The following SPACA7 variants were observed in gnomAD, a reference collection of about 807,000 sequenced individuals.
SPACA7 encodes the protein sperm acrosome-associated protein 7.
Under a neutral mutation model 26.3 loss-of-function variants are expected in SPACA7, and 19 were observed. The observed-to-expected ratio is 0.72, with a 90% CI of 0.50 to 1.06. The LOEUF is 1.06. Ranked by LOEUF, SPACA7 falls within the 50% of genes least tolerant of loss-of-function variation. The pLI is 0.00. For missense variants in SPACA7, 211 were observed against 229.9 expected (o/e 0.92, Z 0.53); for synonymous variants, 84 against 84.5 (o/e 0.99, Z 0.04).
chr13:112,432,563 T>C, intron 6 of SPACA7, 42 bp downstream of exon 6: 1 of 1,443,806 alleles, frequency 6.9e-7, no homozygotes, highest in Non-Finnish European at 9.8e-7. Flanking sequence ...CATTTGGGGA[T>C]TCTTTTCCTG....
chr13:112,410,370 A>AT (rs1566476874), intron 5 of SPACA7, among the ~76,000 whole-genome samples: 1 of 147,874 alleles, frequency 6.8e-6, no homozygotes, highest in African/African-American at 2.7e-5. Flanking sequence ...TACAATTAAA[A>AT]AAATATATAT....
At chr13:112,387,959 G>C (rs1417963810) in intron 1 of SPACA7, among the ~76,000 whole-genome samples, 1 of 152,152 alleles carries the variant, frequency 6.6e-6, no homozygotes, top group Non-Finnish European at 1.5e-5. Flanking sequence ...ACTCCAGGTG[G>C]TGATGGACAA....
chr13:112,428,127 T>C (rs1171567675), intron 5 of SPACA7, among the ~76,000 whole-genome samples: 1 of 152,254 alleles, frequency 6.6e-6, no homozygotes, highest in Non-Finnish European at 1.5e-5. Flanking sequence ...GTTTGAGACT[T>C]CTCATGTTTT....
intron 5 of SPACA7, among the ~76,000 whole-genome samples, chr13:112,419,617 G>A (rs1886893072): frequency 6.6e-6 from 1 of 152,140 alleles, no homozygotes; most frequent in Non-Finnish European, 1.5e-5. Flanking sequence ...ACTACCTTGG[G>A]GCCAGGATCC....
intron 5 of SPACA7, among the ~76,000 whole-genome samples, chr13:112,403,527 G>T (rs546642443): frequency 2.6e-5 from 4 of 151,928 alleles, no homozygotes; most frequent in Non-Finnish European, 5.9e-5. Context: ...CCCATCATCC[G>T]AACAGTACAC....
chr13:112,430,496 C>G (rs1594337493), intron 5 of SPACA7, among the ~76,000 whole-genome samples: 1 of 152,144 alleles, frequency 6.6e-6, no homozygotes, highest in African/African-American at 2.4e-5. Context: ...TCCATCCTTT[C>G]CAGACATTAA....
At chr13:112,394,837 CT>C (rs1368644716) in intron 2 of SPACA7, among the ~76,000 whole-genome samples, 2 of 152,214 alleles carry the variant, frequency 1.3e-5, no homozygotes, top group Non-Finnish European at 2.9e-5. Flanking sequence ...GAAAAGGATT[CT>C]GGAAGAGGAA....
intron 6 of SPACA7, among the ~76,000 whole-genome samples, chr13:112,433,450 G>T (rs79961275): frequency 6.9e-6 from 1 of 144,394 alleles, no homozygotes; most frequent in East Asian, 2.0e-4. Context: ...GAGCTTACCT[G>T]CTAGAGAACA....
chr13:112,430,773 G>A (rs1877046248), intron 5 of SPACA7, among the ~76,000 whole-genome samples: 1 of 152,194 alleles, frequency 6.6e-6, no homozygotes, highest in African/African-American at 2.4e-5. Flanking sequence ...AGGGAACGGG[G>A]AAATGTTAGC....
At chr13:112,381,938 C>T (rs1884097836) in intron 1 of SPACA7, among the ~76,000 whole-genome samples, 1 of 152,174 alleles carries the variant, frequency 6.6e-6, no homozygotes, top group Non-Finnish European at 1.5e-5. Context: ...ATCTTGTGGC[C>T]TCCAGCTGCA....
At chr13:112,406,479 A>G (rs1344668718) in intron 5 of SPACA7, among the ~76,000 whole-genome samples, 2 of 152,206 alleles carry the variant, frequency 1.3e-5, no homozygotes, top group African/African-American at 4.8e-5. Flanking sequence ...GATAGAGATT[A>G]ATATTGAGAA....
At chr13:112,380,372 TC>T (rs2138853989) in intron 1 of SPACA7, among the ~76,000 whole-genome samples, 1 of 120,992 alleles carries the variant, frequency 8.3e-6, no homozygotes, top group South Asian at 2.7e-4. Context: ...GCCATTGCAC[TC>T]CAGCCTAGGC....
intron 5 of SPACA7, among the ~76,000 whole-genome samples, chr13:112,409,938 T>C (rs1886238980): frequency 6.6e-6 from 1 of 152,182 alleles, no homozygotes; most frequent in South Asian, 2.1e-4. Context: ...GTGGCACTAT[T>C]CACAATAGCA....
In SPACA7 at chr13:112,398,057, C is replaced by T. The variant is rs200827331; in HGVS notation, c.160C>T (p.Leu54=). ...TGTGTGCTTCTCCCAAGATGAAATT[C>T]TGGTCCAGGAGATTTTAGATCTGAA... ...EDMSELLDEI[L]VQEILDLNKT... The change falls in exon 3 of 7, where the codon CTG becomes TTG. Residue 54 remains leucine, a synonymous_variant. Transcript: ENST00000283550. 6.2e-6 allele frequency: 10 copies of T among 1,612,550 alleles called. No individual in the cohort carries two copies. In the African/African-American group the frequency reaches 1.3e-4, roughly 22 times the overall value.
intron 1 of SPACA7, among the ~76,000 whole-genome samples, chr13:112,383,142 AAAGAAAGAAAG>A (rs1884269148): frequency 3.7e-5 from 2 of 53,746 alleles, no homozygotes; most frequent in African/African-American, 1.9e-4. Flanking sequence ...AGAAAGAAAG[AAAGAAAGAAAG>A]AAAGAAAGAA....
At chr13:112,380,775 T>C (rs1195337604) in intron 1 of SPACA7, among the ~76,000 whole-genome samples, 1 of 152,230 alleles carries the variant, frequency 6.6e-6, no homozygotes, top group African/African-American at 2.4e-5. Flanking sequence ...TACTTTCCTT[T>C]ATACTTTGCA....
chr13:112,415,998 C>T (rs892553917), intron 5 of SPACA7, among the ~76,000 whole-genome samples: 1 of 151,978 alleles, frequency 6.6e-6, no homozygotes, highest in African/African-American at 2.4e-5. Flanking sequence ...CACTCACTTC[C>T]CTCCCTCTCT....
At chr13:112,384,420 T>C (rs1214739061) in intron 1 of SPACA7, among the ~76,000 whole-genome samples, 2 of 152,098 alleles carry the variant, frequency 1.3e-5, no homozygotes, top group Admixed American at 6.5e-5. Flanking sequence ...TTTACACAAA[T>C]ATAGCCCAAA....
chr13:112,425,977 C>T (rs1472883133), intron 5 of SPACA7, among the ~76,000 whole-genome samples: 1 of 152,344 alleles, frequency 6.6e-6, no homozygotes, highest in East Asian at 1.9e-4. Context: ...GCACATGTCA[C>T]TGTGTTCATA....
Sources: allele counts gnomAD v4.1 joint callset (sites outside exome capture counted in the v4.1 genomes callset), GRCh38; gene constraint gnomAD v4.1.1; transcripts MANE v1.5; gene names NCBI Gene and HGNC (gene_info 2026-07-23, HGNC 2026-07-21).